AGBL4: variants seen among roughly 807,000 people sequenced by gnomAD.
AGBL4 encodes AGBL carboxypeptidase 4.
A neutral mutation model predicts 66.4 loss-of-function variants in AGBL4; 58 were observed. The observed-to-expected ratio is 0.87, with a 90% CI of 0.71 to 1.09. The LOEUF is 1.09. Ranked by LOEUF, AGBL4 falls within the 50% of genes least tolerant of loss-of-function variation. AGBL4 has a pLI of 0.00. For synonymous variants in AGBL4, 234 were observed against 222.9 expected (o/e 1.05, Z -0.44); for missense variants, 579 against 631.0 (o/e 0.92, Z 0.88).
At chr1:48,592,196 C>A (rs753490771) in intron 9 of AGBL4, among the ~76,000 whole-genome samples, 14 of 152,176 alleles carry the variant, frequency 9.2e-5, no homozygotes, top group Non-Finnish European at 1.9e-4. Flanking sequence ...TGCCCCCTTG[C>A]ACAATTAACT....
At chr1:48,790,498 G>A (rs1242738245) in intron 6 of AGBL4, among the ~76,000 whole-genome samples, 1 of 152,096 alleles carries the variant, frequency 6.6e-6, no homozygotes, top group Non-Finnish European at 1.5e-5. Context: ...ATAGAATGAG[G>A]AAACCAAGAC....
intron 5 of AGBL4, among the ~76,000 whole-genome samples, chr1:48,997,233 T>C (rs1178915087): frequency 6.6e-6 from 1 of 152,112 alleles, no homozygotes; most frequent in Admixed American, 6.6e-5. Flanking sequence ...CAGAAAGTGA[T>C]AAATTTAAGA....
chr1:49,363,355 C>T (rs937970721), intron 3 of AGBL4, among the ~76,000 whole-genome samples: 1 of 152,104 alleles, frequency 6.6e-6, no homozygotes, highest in Non-Finnish European at 1.5e-5. Flanking sequence ...GCCTAGAGAG[C>T]CCAGCTGATA....
At chr1:49,500,642 T>C (rs1216991163) in intron 3 of AGBL4, among the ~76,000 whole-genome samples, 1 of 152,100 alleles carries the variant, frequency 6.6e-6, no homozygotes, top group African/African-American at 2.4e-5. Context: ...GAATGTCCTT[T>C]CCCCACTTTA....
intron 2 of AGBL4, among the ~76,000 whole-genome samples, chr1:49,739,280 C>T (rs1473512797): frequency 1.3e-5 from 2 of 151,966 alleles, no homozygotes; most frequent in East Asian, 1.9e-4. Context: ...GTAGCTGATT[C>T]GATCAACTGG....
chr1:48,723,345 G>A (rs1334220542), intron 6 of AGBL4, among the ~76,000 whole-genome samples: 1 of 152,192 alleles, frequency 6.6e-6, no homozygotes, highest in Non-Finnish European at 1.5e-5. Flanking sequence ...TGAATTCCTT[G>A]TGCTTGGAGG....
intron 5 of AGBL4, among the ~76,000 whole-genome samples, chr1:48,893,612 G>A (rs564065314): frequency 3.3e-5 from 5 of 152,174 alleles, no homozygotes; most frequent in African/African-American, 1.2e-4. Context: ...GTGGACCTGA[G>A]AGGCGGAGCT....
intron 2 of AGBL4, among the ~76,000 whole-genome samples, chr1:49,739,736 G>A (rs1650259705): frequency 6.6e-6 from 1 of 152,172 alleles, no homozygotes; most frequent in African/African-American, 2.4e-5. Flanking sequence ...GAAGAGAGTG[G>A]GGGCCAATAT....
At chr1:49,836,059 G>T (rs1645840650) in intron 2 of AGBL4, among the ~76,000 whole-genome samples, 1 of 151,888 alleles carries the variant, frequency 6.6e-6, no homozygotes, top group Non-Finnish European at 1.5e-5. Flanking sequence ...ATGTTTCTTG[G>T]GGTTGCTCTT....
At chr1:49,012,565 C>T (rs1662523958) in intron 5 of AGBL4, among the ~76,000 whole-genome samples, 1 of 152,164 alleles carries the variant, frequency 6.6e-6, no homozygotes, top group Non-Finnish European at 1.5e-5. Flanking sequence ...GAAAATAGGC[C>T]TATTCCCAGA....
In AGBL4 at chr1:49,012,935, A is replaced by G. The variant is rs146974635; in HGVS notation, c.594+32649T>C. Reference sequence around the variant, plus strand: ...TTATTAATAAGTCATCATGTGAGTGAATTAGTTATCATGAGAGTGGATCTG... The same window carrying G: ...TTATTAATAAGTCATCATGTGAGTGGATTAGTTATCATGAGAGTGGATCTG... On this transcript the variant is annotated intron_variant, in intron 5 of 13. Coordinates refer to ENST00000371839, the MANE Select transcript of AGBL4 (RefSeq NM_032785.4). 7.2e-3 allele frequency among the ~76,000 whole-genome samples: 1,103 copies of G among 152,296 alleles called. 17 individuals are homozygous for G. The highest frequency in any genetic ancestry group is 0.026 in the African/African-American group (1,062 of 41,554).
intron 6 of AGBL4, among the ~76,000 whole-genome samples, chr1:48,814,387 A>G (rs1212704929): frequency 6.6e-6 from 1 of 152,170 alleles, no homozygotes. Context: ...ATTTTGATAT[A>G]TATAATATAT....
intron 2 of AGBL4, among the ~76,000 whole-genome samples, chr1:49,724,704 G>C (rs1046111594): frequency 4.6e-5 from 7 of 152,078 alleles, no homozygotes; most frequent in Middle Eastern, 6.3e-3. Context: ...GTTAAATGAG[G>C]TTATAAGGGT....
intron 11 of AGBL4, chr1:48,585,233 G>A (rs527341393): frequency 3.0e-4 from 45 of 152,312 alleles, no homozygotes; most frequent in African/African-American, 1.0e-3. Flanking sequence ...AGGAGAGCCT[G>A]TCAGATTGGA....
At chr1:49,355,134 T>A (rs972395643) in intron 3 of AGBL4, among the ~76,000 whole-genome samples, 1 of 152,208 alleles carries the variant, frequency 6.6e-6, no homozygotes, top group Non-Finnish European at 1.5e-5. Flanking sequence ...AATCAACTTT[T>A]CGAAGTCGAC....
chr1:49,511,312 G>A (rs1410112568), intron 3 of AGBL4, among the ~76,000 whole-genome samples: 1 of 151,384 alleles, frequency 6.6e-6, no homozygotes, highest in Non-Finnish European at 1.5e-5. Flanking sequence ...GTAGGGACAC[G>A]GATGAAATTG....
chr1:48,787,632 G>T (rs1246634152), intron 6 of AGBL4, among the ~76,000 whole-genome samples: 2 of 152,062 alleles, frequency 1.3e-5, no homozygotes, highest in African/African-American at 2.4e-5. Context: ...TTCTTTTAAT[G>T]CTGGCAGGGG....
intron 3 of AGBL4, among the ~76,000 whole-genome samples, chr1:49,379,397 G>T (rs1325686418): frequency 6.6e-6 from 1 of 152,062 alleles, no homozygotes; most frequent in Non-Finnish European, 1.5e-5. Flanking sequence ...GCACAGAATG[G>T]GAATCCATGC....
At chr1:48,624,743 C>A (rs1047490670) in intron 9 of AGBL4, among the ~76,000 whole-genome samples, 1 of 152,198 alleles carries the variant, frequency 6.6e-6, no homozygotes, top group Non-Finnish European at 1.5e-5. Flanking sequence ...ACAAAGTATA[C>A]AGGGAACCCT....
Sources: gnomAD v4.1 joint callset for allele counts (sites outside exome capture counted in the v4.1 genomes callset) on GRCh38, gnomAD v4.1.1 for gene constraint, MANE v1.5 for transcripts, NCBI Gene and HGNC (gene_info 2026-07-23, HGNC 2026-07-21) for gene names.